The following DNAJC10 variants were observed in gnomAD, a reference collection of about 807,000 sequenced individuals.
The protein encoded by DNAJC10 is DnaJ heat shock protein family (Hsp40) member C10, also known as endoplasmic reticulum disulfide reductase DNAJC10.
A neutral mutation model predicts 115.0 loss-of-function variants in DNAJC10; 101 were observed. The ratio of observed to expected loss-of-function variants is 0.88; its 90% CI spans 0.75 to 1.04. The LOEUF is 1.04. DNAJC10 is among the 50% of genes least tolerant of loss of function. The pLI, the probability that DNAJC10 is intolerant of heterozygous loss-of-function variation, is 0.00. For missense variants in DNAJC10, 981 were observed against 928.8 expected, an observed-to-expected ratio of 1.06 and a Z score of -0.73; for synonymous variants, 307 against 301.5, an observed-to-expected ratio of 1.02 and a Z score of -0.19.
Position 182,763,880 on chromosome 2 carries a change from A to G in DNAJC10, c.2265+1079A>G, listed in dbSNP as rs80119122. Among the ~76,000 whole-genome samples the G allele has an allele frequency of 2.3e-3, 353 of 152,272 alleles. 1 individual carries two copies. The highest frequency in any genetic ancestry group is 4.2e-3 in the Non-Finnish European group (289 of 68,010). ...TGCAAATGCCTAGCAAACAGATAAA[A>G]AAAAGAATAAGTACAACGGCCATCA... On this transcript the variant is annotated intron_variant, in intron 22 of 23. Transcript: ENST00000264065.
intron 14 of DNAJC10, among the ~76,000 whole-genome samples, chr2:182,747,655 T>G (rs1396609136): frequency 1.3e-5 from 2 of 151,880 alleles, no homozygotes; most frequent in Non-Finnish European, 2.9e-5. Context: ...TTTCTAGATA[T>G]ACAATCATGT....
intron 21 of DNAJC10, among the ~76,000 whole-genome samples, chr2:182,760,601 G>A (rs1694263691): frequency 6.6e-6 from 1 of 152,144 alleles, no homozygotes; most frequent in African/African-American, 2.4e-5. Context: ...TGCAGTCTGA[G>A]CTTTTGGTGT....
chr2:182,786,092 A>G lies in DNAJC10; in HGVS notation c.*8960A>G, dbSNP rs893047696. 1.3e-5 allele frequency: 2 copies of G among 152,174 alleles called. No homozygotes were observed. Among genetic ancestry groups the G allele is most frequent in the African/African-American group, 4.8e-5 (2 of 41,438 alleles). The allele number at this position is 152,174 out of a possible 1,614,324, so 9.4% of individuals were successfully genotyped here. A position where few individuals can be genotyped will look rare whatever the true frequency, so the allele number is the denominator to read the frequency against. ...GTTGATTATATATTTGTTTTGCTGG[A>G]AAATGTTCCATGATACAGTTTTAAT... is the stretch of plus-strand genomic sequence containing the variant. On this transcript the variant is annotated 3_prime_UTR_variant, in exon 24 of 24. Coordinates refer to ENST00000264065, the MANE Select transcript of DNAJC10 (RefSeq NM_018981.4).
At position 182,785,289 on chromosome 2, in the gene DNAJC10, GCTTAAT is replaced by G. The variant is rs1694926454; in HGVS notation, c.*8158_*8163del. On this transcript the variant is annotated 3_prime_UTR_variant, in exon 24 of 24. Coordinates refer to ENST00000264065, the MANE Select transcript of DNAJC10 (RefSeq NM_018981.4). The stretch of plus-strand genomic sequence containing the variant: ...AATAAAACATAAAATTGGACTAATA[GCTTAAT>G]TTTTTTTTTTAATTCAAAAATCTCA... 1.3e-5 allele frequency: 2 copies of G among 151,932 alleles called. No homozygotes were observed. Among genetic ancestry groups the G allele is most frequent in the Non-Finnish European group, 2.9e-5 (2 of 67,958 alleles). 9.4% of individuals were successfully genotyped at this position (151,932 alleles called of 1,614,324 possible).
chr2:182,720,246 C>T, intron 4 of DNAJC10, 77 bp downstream of exon 4: 2 of 1,232,064 alleles, frequency 1.6e-6, no homozygotes, highest in Admixed American at 4.4e-5. Context: ...CACCACTTAG[C>T]TTATATATTT....
At chr2:182,760,539 G>C (rs907537305) in intron 21 of DNAJC10, among the ~76,000 whole-genome samples, 18 of 152,020 alleles carry the variant, frequency 1.2e-4, no homozygotes, top group Admixed American at 9.2e-4. Context: ...ATATCCTCAG[G>C]GCCTAACTCA....
chr2:182,792,515 T>C lies in DNAJC10; in HGVS notation c.*15383T>C, dbSNP rs1179189123. 1 of 152,232 alleles carries C rather than the reference T, an allele frequency of 6.6e-6. No homozygotes were observed. Among genetic ancestry groups the C allele is most frequent in the Non-Finnish European group, 1.5e-5 (1 of 68,040 alleles). 9.4% of individuals were successfully genotyped at this position (152,232 alleles called of 1,614,324 possible). ...AGTCCCATCTGATAAATGTATTGTT[T>C]AACCTCTCATTGTTTGAAAGAACAC... On this transcript the variant is annotated 3_prime_UTR_variant, in exon 24 of 24. Transcript: ENST00000264065.
chr2:182,740,528 A>G (rs943511663), intron 12 of DNAJC10, 140 bp downstream of exon 12: 1 of 762,230 alleles, frequency 1.3e-6, no homozygotes, highest in Non-Finnish European at 1.9e-6. Flanking sequence ...ATATTAGTCA[A>G]TTGTAGGTTA....
intron 19 of DNAJC10, 115 bp downstream of exon 19, chr2:182,757,940 AC>A (rs1299185453): frequency 1.6e-6 from 1 of 607,100 alleles, no homozygotes; most frequent in East Asian, 2.9e-5. Context: ...TTGGGAGCCC[AC>A]TACGTAAAGA....
chr2:182,762,755 T>C lies in DNAJC10; in HGVS notation c.2219T>C (p.Ile740Thr). Residue 740 changes from isoleucine (I) to threonine (T), a missense_variant, in exon 22 of 24, where the codon ATC (isoleucine) becomes ACC (threonine). Ile to Thr is a moderately conservative substitution (Grantham distance 89, BLOSUM62 -1). Transcript: ENST00000264065. ...GCTCAGACATGCCAGAAAGCTGGGA[T>C]CAGGGCCTATCCAACTGTTAAATTT... ...AYAQTCQKAG[I>T]RAYPTVKFYF... is the part of the protein sequence containing the mutation. 4 of 1,612,658 alleles carry C rather than the reference T, an allele frequency of 2.5e-6. No individual in the cohort carries two copies. The highest frequency in any genetic ancestry group is 3.4e-6 in the Non-Finnish European group (4 of 1,178,946).
intron 1 of DNAJC10, among the ~76,000 whole-genome samples, 191 bp from the exon 2 acceptor site, chr2:182,716,825 A>C (rs559789507): frequency 6.6e-6 from 1 of 152,072 alleles, no homozygotes; most frequent in Non-Finnish European, 1.5e-5. Flanking sequence ...TGCGCCTTGC[A>C]TTTACCTGGC....
intron 10 of DNAJC10, among the ~76,000 whole-genome samples, chr2:182,733,929 A>G (rs140017189): frequency 4.6e-5 from 7 of 151,102 alleles, no homozygotes; most frequent in Non-Finnish European, 7.4e-5. Context: ...ATAATATCCT[A>G]TTTTTTTATA....
chr2:182,754,820 T>G (rs1004320765), intron 16 of DNAJC10, 183 bp from the exon 17 acceptor site: 2 of 1,365,314 alleles, frequency 1.5e-6, no homozygotes, highest in Admixed American at 3.0e-5. Context: ...TCATCAGTAT[T>G]TAGCAGTATT....
At chr2:182,740,790 C>T (rs1338173423) in intron 12 of DNAJC10, among the ~76,000 whole-genome samples, 1 of 151,940 alleles carries the variant, frequency 6.6e-6, no homozygotes, top group Non-Finnish European at 1.5e-5. Context: ...GTTTTTTTTC[C>T]TATTAGGTTG....
At chr2:182,731,966 A>T (rs1217161090) in intron 9 of DNAJC10, among the ~76,000 whole-genome samples, 1 of 152,144 alleles carries the variant, frequency 6.6e-6, no homozygotes, top group East Asian at 1.9e-4. Context: ...TCTCACCTCA[A>T]GTAAATTGCT....
chr2:182,740,168 T>A (rs1418719747), intron 11 of DNAJC10, 131 bp from the exon 12 acceptor site: 3 of 1,170,264 alleles, frequency 2.6e-6, no homozygotes, highest in Non-Finnish European at 2.2e-6. Context: ...ACATTTGGAA[T>A]TGTTTGAAAA....
In DNAJC10 at chr2:182,718,178, G is replaced by A. The variant is rs369988252; in HGVS notation, c.92G>A (p.Gly31Asp). Residue 31 changes from glycine to aspartate, a missense_variant, in exon 3 of 24, where the codon GGC becomes GAC. Gly to Asp is a moderately conservative substitution (Grantham distance 94). Coordinates refer to ENST00000264065, the MANE Select transcript of DNAJC10 (RefSeq NM_018981.4). Reference sequence around the variant, plus strand: ...ATAGTGTATATGGCCATTTTAGTGGGCACAGATCAGGATTTTTACAGTTTA... The same window carrying A: ...ATAGTGTATATGGCCATTTTAGTGGACACAGATCAGGATTTTTACAGTTTA... ...FLIVYMAILV[G>D]TDQDFYSLLG... 5.3e-5 allele frequency: 86 copies of A among 1,613,400 alleles called. 1 individual carries two copies. In the East Asian group the frequency reaches 1.9e-3, roughly 35 times the overall value.
At chr2:182,730,064 C>T in intron 8 of DNAJC10, 123 bp downstream of exon 8, 1 of 602,744 alleles carries the variant, frequency 1.7e-6, no homozygotes, top group East Asian at 3.0e-5. Flanking sequence ...TTCCATGTTT[C>T]TTAGAAGGGA....
Position 182,777,788 on chromosome 2 carries a change from G to A in DNAJC10, c.*656G>A, listed in dbSNP as rs1694747432. 1.3e-5 allele frequency: 2 copies of A among 152,070 alleles called. No homozygotes were observed. The highest frequency in any genetic ancestry group is 1.3e-4 in the Admixed American group (2 of 15,252). 9.4% of individuals were successfully genotyped at this position (152,070 alleles called of 1,614,324 possible). On this transcript the variant is annotated 3_prime_UTR_variant, in exon 24 of 24. Transcript: ENST00000264065. ...TTCATTGTTTTCTTTCCTTCTCAAA[G>A]GTTGAAAAAATGCTTTTAATTTTTC...
Sources: gnomAD v4.1 joint callset for allele counts (sites outside exome capture counted in the v4.1 genomes callset) on GRCh38, gnomAD v4.1.1 for gene constraint, MANE v1.5 for transcripts, NCBI Gene and HGNC (gene_info 2026-07-23, HGNC 2026-07-21) for gene names.